Variants in KCNJ6 observed in about 807,000 individuals in gnomAD.
KCNJ6 encodes G protein-activated inward rectifier potassium channel 2.
Under a neutral mutation model 34.2 loss-of-function variants are expected in KCNJ6, and 9 were observed. That is an observed-to-expected ratio of 0.26 (90% CI 0.16 to 0.46). The LOEUF (loss-of-function observed/expected upper bound fraction) is 0.46. Ranked by LOEUF, KCNJ6 falls within the 20% of genes least tolerant of loss-of-function variation. KCNJ6 has a pLI of 1.00. For synonymous variants in KCNJ6, 196 were observed against 207.1 expected (o/e 0.95, Z 0.46); for missense variants, 236 against 531.3 (o/e 0.44, Z 5.46).
At chr21:37,831,362 T>A (rs1387784960) in intron 2 of KCNJ6, among the ~76,000 whole-genome samples, 1 of 152,182 alleles carries the variant, frequency 6.6e-6, no homozygotes. Flanking sequence ...TGCACTAATG[T>A]GATGAAGAAG....
chr21:37,673,479 T>C (rs1224579626), intron 3 of KCNJ6, among the ~76,000 whole-genome samples: 1 of 152,226 alleles, frequency 6.6e-6, no homozygotes, highest in African/African-American at 2.4e-5. Flanking sequence ...AGGGATAGGA[T>C]TTGTCTCTCA....
At chr21:37,747,136 C>T (rs2054971417) in intron 2 of KCNJ6, among the ~76,000 whole-genome samples, 1 of 152,180 alleles carries the variant, frequency 6.6e-6, no homozygotes, top group South Asian at 2.1e-4. Context: ...GGAAAAGACG[C>T]CCTGCCAGGG....
At chr21:37,739,291 G>A (rs2054928015) in intron 2 of KCNJ6, among the ~76,000 whole-genome samples, 1 of 152,146 alleles carries the variant, frequency 6.6e-6, no homozygotes, top group Non-Finnish European at 1.5e-5. Context: ...GCAGGTGGCT[G>A]GCATTATATT....
At position 37,665,355 on chromosome 21, in the gene KCNJ6, C is replaced by A. The variant is rs532669621; in HGVS notation, c.947-39871G>T. Among the ~76,000 whole-genome samples the A allele has an allele frequency of 2.8e-4, 43 of 152,284 alleles. No individual in the cohort carries two copies. In the South Asian group the frequency reaches 5.0e-3, roughly 18 times the overall value. ...TGCCAGTCGTCTGTATAAGTCCATG[C>A]GATCATTGAAAGCATTATTTCTCCA... On this transcript the variant is annotated intron_variant, in intron 3 of 3. Coordinates refer to ENST00000609713, the MANE Select transcript of KCNJ6 (RefSeq NM_002240.5).
In KCNJ6 at chr21:37,666,913, G is replaced by C. The variant is rs529017752; in HGVS notation, c.947-41429C>G. ...ACTCAGGGTTAAATGGATTAAGGGC[G>C]GTGCAAGATGTGCTTTGTTAAACAG... On this transcript the variant is annotated intron_variant, in intron 3 of 3. Transcript: ENST00000609713. Among the ~76,000 whole-genome samples, 174 of 151,070 alleles carry C rather than the reference G, an allele frequency of 1.2e-3. 1 individual carries two copies. Among genetic ancestry groups the C allele is most frequent in the Non-Finnish European group, 2.3e-3 (155 of 67,764 alleles).
chr21:37,625,426 C>T lies in KCNJ6; in HGVS notation c.1005G>A (p.Arg335=), dbSNP rs756490499. 4.3e-6 allele frequency: 7 copies of T among 1,614,184 alleles called. No homozygotes were observed. Among genetic ancestry groups the T allele is most frequent in the Non-Finnish European group, 5.9e-6 (7 of 1,180,036 alleles). Residue 335 remains arginine (R), a synonymous_variant, in exon 4 of 4, where the codon CGG becomes CGA. Coordinates refer to ENST00000609713, the MANE Select transcript of KCNJ6 (RefSeq NM_002240.5). ...YITSEILWGY[R]FTPVLTLEDG... ...CCTCCAGGGTCAGGACAGGTGTGAA[C>T]CGGTAACCCCACAGGATCTCACTGG...
At chr21:37,829,025 CCCAGGG>C (rs1451699841) in intron 2 of KCNJ6, among the ~76,000 whole-genome samples, 5 of 152,240 alleles carry the variant, frequency 3.3e-5, no homozygotes, top group South Asian at 2.1e-4. Context: ...TGCAGCCTAA[CCCAGGG>C]CCTGTGCCAT....
rs2054295556 is a variant in KCNJ6 at position 37,623,134 on chromosome 21, C to CT, written c.*2024dup. 6.6e-6 allele frequency: 1 copy of CT among 152,304 alleles called. No individual in the cohort carries two copies. 9.4% of individuals were successfully genotyped at this position (152,304 alleles called of 1,614,324 possible). On this transcript the variant is annotated 3_prime_UTR_variant, in exon 4 of 4. Coordinates refer to ENST00000609713, the MANE Select transcript of KCNJ6 (RefSeq NM_002240.5). ...GGAAATGCTGGCAAACAGGAAAGGGCTATAGCCAACAGTTTTGTTTTCCTT... is the reference window on the plus strand; with the variant it reads ...GGAAATGCTGGCAAACAGGAAAGGGCTTATAGCCAACAGTTTTGTTTTCCTT...
At chr21:37,694,892 C>T (rs891132594) in intron 3 of KCNJ6, among the ~76,000 whole-genome samples, 6 of 152,158 alleles carry the variant, frequency 3.9e-5, no homozygotes, top group Admixed American at 2.6e-4. Flanking sequence ...GGAAAGGCCC[C>T]GTGAAGATAG....
At chr21:37,751,385 T>A (rs2054994569) in intron 2 of KCNJ6, among the ~76,000 whole-genome samples, 1 of 152,208 alleles carries the variant, frequency 6.6e-6, no homozygotes. Flanking sequence ...CTCATTCCCA[T>A]CCCTCTGTGT....
chr21:37,813,499 A>C (rs895010836), intron 2 of KCNJ6, among the ~76,000 whole-genome samples: 4 of 152,218 alleles, frequency 2.6e-5, no homozygotes, highest in Admixed American at 2.6e-4. Context: ...CTTGACTTCA[A>C]ATTATAACAC....
chr21:37,894,001 C>G (rs2055775535), intron 1 of KCNJ6, among the ~76,000 whole-genome samples: 1 of 152,182 alleles, frequency 6.6e-6, no homozygotes, highest in Admixed American at 6.5e-5. Flanking sequence ...TTAACATGAT[C>G]TGTTAAATTA....
chr21:37,827,952 G>A (rs2055406656), intron 2 of KCNJ6, among the ~76,000 whole-genome samples: 1 of 152,176 alleles, frequency 6.6e-6, no homozygotes, highest in South Asian at 2.1e-4. Flanking sequence ...GACCAGAGGG[G>A]TTAAGTGAGT....
chr21:37,637,416 A>T (rs148538887), intron 3 of KCNJ6, among the ~76,000 whole-genome samples: 1 of 152,368 alleles, frequency 6.6e-6, no homozygotes, highest in East Asian at 1.9e-4. Context: ...TGTCTAAAAA[A>T]GATCCTACAT....
intron 3 of KCNJ6, among the ~76,000 whole-genome samples, chr21:37,711,480 T>C (rs1428951329): frequency 1.3e-5 from 2 of 152,198 alleles, no homozygotes; most frequent in African/African-American, 4.8e-5. Flanking sequence ...CTGTTTTGTG[T>C]CAGCTTGCTA....
intron 2 of KCNJ6, among the ~76,000 whole-genome samples, chr21:37,725,806 A>G (rs1324781782): frequency 6.6e-6 from 1 of 152,274 alleles, no homozygotes; most frequent in Non-Finnish European, 1.5e-5. Flanking sequence ...AGATATAATC[A>G]ATGGAATACC....
intron 2 of KCNJ6, among the ~76,000 whole-genome samples, chr21:37,828,615 G>C (rs2055410177): frequency 6.6e-6 from 1 of 152,254 alleles, no homozygotes; most frequent in Non-Finnish European, 1.5e-5. Context: ...GCAGGTGTTT[G>C]CATCAGTCCC....
intron 3 of KCNJ6, among the ~76,000 whole-genome samples, chr21:37,635,343 A>G (rs2054352697): frequency 6.6e-6 from 1 of 150,952 alleles, no homozygotes; most frequent in South Asian, 2.1e-4. Flanking sequence ...CAAGCCTCCC[A>G]AGTAGCTTGG....
Position 37,766,388 on chromosome 21 carries a change from A to G in KCNJ6, c.26-51257T>C, listed in dbSNP as rs993661021. 7.9e-5 allele frequency among the ~76,000 whole-genome samples: 12 copies of G among 152,214 alleles called. No individual in the cohort carries two copies. In the East Asian group the frequency reaches 1.2e-3, roughly 15 times the overall value. ...GCTAAAAAGGAATGGGTGCAGGGAC[A>G]GAAGGGATGGGGGTGGGTAACACGG... On this transcript the variant is annotated intron_variant, in intron 2 of 3. Coordinates refer to ENST00000609713, the MANE Select transcript of KCNJ6 (RefSeq NM_002240.5).
Sources: allele counts gnomAD v4.1 joint callset (sites outside exome capture counted in the v4.1 genomes callset), GRCh38; gene constraint gnomAD v4.1.1; transcripts MANE v1.5; gene names NCBI Gene and HGNC (gene_info 2026-07-23, HGNC 2026-07-21).